B3GALT1: variants seen among roughly 807,000 people sequenced by gnomAD.
The protein encoded by B3GALT1 is UDP-Gal:betaGlcNAc beta 1,3-galactosyltransferase, polypeptide 1.
A neutral mutation model predicts 23.2 loss-of-function variants in B3GALT1; 10 were observed. That is an observed-to-expected ratio of 0.43 (90% CI 0.27 to 0.73). The LOEUF is 0.73. Ranked by LOEUF, B3GALT1 falls within the 30% of genes least tolerant of loss-of-function variation. The pLI is 0.21. For synonymous variants in B3GALT1, 156 were observed against 141.5 expected (o/e 1.10, Z -0.73); for missense variants, 299 against 405.4 (o/e 0.74, Z 2.25).
At position 167,305,241 on chromosome 2, in the gene B3GALT1, A is replaced by AAT. The variant is rs199861582; in HGVS notation, c.-511+11920_-511+11921dup. On this transcript the variant is annotated intron_variant, in intron 1 of 4. Coordinates refer to ENST00000392690, the MANE Select transcript of B3GALT1 (RefSeq NM_020981.4). ...TCTCACCAATTTTTAGACAGTTGTT[A>AAT]ATATATATATATATTTTGCTTCCTG... Among the ~76,000 whole-genome samples, 607 of 151,536 alleles carry AAT rather than the reference A, an allele frequency of 4.0e-3. 3 individuals carry two copies. The highest frequency in any genetic ancestry group is 0.013 in the African/African-American group (530 of 41,426).
At chr2:167,790,406 A>C (rs1574263788) in intron 3 of B3GALT1, among the ~76,000 whole-genome samples, 1 of 152,170 alleles carries the variant, frequency 6.6e-6, no homozygotes, top group East Asian at 1.9e-4. Flanking sequence ...TTCATCTGAG[A>C]TGTCTCCACC....
At chr2:167,360,832 G>A (rs1334350684) in intron 1 of B3GALT1, among the ~76,000 whole-genome samples, 1 of 151,534 alleles carries the variant, frequency 6.6e-6, no homozygotes, top group Non-Finnish European at 1.5e-5. Flanking sequence ...TTGTATTTTT[G>A]TACTCCTTAA....
intron 1 of B3GALT1, among the ~76,000 whole-genome samples, chr2:167,434,958 T>C (rs1042689326): frequency 2.6e-5 from 4 of 152,104 alleles, no homozygotes; most frequent in African/African-American, 7.2e-5. Flanking sequence ...GATTAAGTTT[T>C]AAAATTATAA....
chr2:167,660,186 G>A lies in B3GALT1; in HGVS notation c.-352+13220G>A, dbSNP rs1013923425. Among the ~76,000 whole-genome samples the A allele has an allele frequency of 8.5e-5, 13 of 152,094 alleles. 1 individual carries two copies. The highest frequency in any genetic ancestry group is 9.7e-5 in the African/African-American group (4 of 41,442). On this transcript the variant is annotated intron_variant, in intron 3 of 4. Transcript: ENST00000392690. ...GGATTTTATCACTTGAGCATTGAGAGCTGTATCTTTTCATAGCTCTTTCTA... is the reference window on the plus strand; with the variant it reads ...GGATTTTATCACTTGAGCATTGAGAACTGTATCTTTTCATAGCTCTTTCTA...
At chr2:167,856,990 TCTGATC>T (rs1032456180) in intron 4 of B3GALT1, among the ~76,000 whole-genome samples, 4 of 152,170 alleles carry the variant, frequency 2.6e-5, no homozygotes, top group Non-Finnish European at 2.9e-5. Flanking sequence ...TGACAGGATT[TCTGATC>T]CGTGAGGATT....
intron 2 of B3GALT1, among the ~76,000 whole-genome samples, chr2:167,551,628 G>T (rs1030142609): frequency 2.0e-5 from 3 of 152,166 alleles, no homozygotes; most frequent in Admixed American, 1.3e-4. Context: ...CTCGGGGGTT[G>T]TCTGTATCCT....
chr2:167,522,493 TG>T (rs962620757), intron 2 of B3GALT1, among the ~76,000 whole-genome samples: 2 of 152,166 alleles, frequency 1.3e-5, no homozygotes, highest in African/African-American at 4.8e-5. Context: ...AATTTTCTCT[TG>T]CCAATATCCG....
intron 1 of B3GALT1, among the ~76,000 whole-genome samples, chr2:167,399,081 T>TA (rs1210372270): frequency 1.3e-5 from 2 of 152,166 alleles, no homozygotes; most frequent in Non-Finnish European, 2.9e-5. Context: ...TTACAGCCAT[T>TA]ACAGGGCAGC....
intron 2 of B3GALT1, among the ~76,000 whole-genome samples, chr2:167,496,527 A>G (rs1296465609): frequency 6.6e-6 from 1 of 152,180 alleles, no homozygotes; most frequent in African/African-American, 2.4e-5. Context: ...ATTATAAGGA[A>G]GTTTTTAAAC....
chr2:167,337,045 A>AG, intron 1 of B3GALT1, among the ~76,000 whole-genome samples: 1 of 152,098 alleles, frequency 6.6e-6, no homozygotes, highest in African/African-American at 2.4e-5. Context: ...TCTTCCATGG[A>AG]GGGGGTCAGG....
intron 2 of B3GALT1, among the ~76,000 whole-genome samples, chr2:167,619,561 G>A (rs1685221514): frequency 1.3e-5 from 2 of 151,988 alleles, no homozygotes; most frequent in South Asian, 2.1e-4. Context: ...AGTACATTGT[G>A]CAGAAAGAAA....
intron 4 of B3GALT1, among the ~76,000 whole-genome samples, chr2:167,820,165 C>A (rs1177633731): frequency 6.6e-6 from 1 of 152,184 alleles, no homozygotes; most frequent in Admixed American, 6.5e-5. Flanking sequence ...ATAAATAATA[C>A]TTCCTCTTAG....
chr2:167,697,948 T>G (rs11692226), intron 3 of B3GALT1, among the ~76,000 whole-genome samples: 85,249 of 152,098 alleles, frequency 0.56, 25,152 homozygotes, highest in Non-Finnish European at 0.67. Context: ...CAATTTCAGT[T>G]GTGTCTTATC....
At chr2:167,497,908 C>T (rs1330920124) in intron 2 of B3GALT1, among the ~76,000 whole-genome samples, 2 of 151,614 alleles carry the variant, frequency 1.3e-5, no homozygotes, top group Non-Finnish European at 2.9e-5. Context: ...TAGTAGTATA[C>T]TAACCAAGGA....
At chr2:167,790,592 T>C (rs893868424) in intron 3 of B3GALT1, among the ~76,000 whole-genome samples, 1 of 152,234 alleles carries the variant, frequency 6.6e-6, no homozygotes, top group Non-Finnish European at 1.5e-5. Context: ...AGTAAAGCAT[T>C]TCTCTGAAAG....
chr2:167,868,722 G>A (rs1690282451), intron 4 of B3GALT1, among the ~76,000 whole-genome samples, 89 bp from the exon 5 acceptor site: 1 of 152,034 alleles, frequency 6.6e-6, no homozygotes, highest in South Asian at 2.1e-4. Context: ...AATCCTTGAG[G>A]GCAATTCTTA....
At chr2:167,727,740 CA>C (rs1231385961) in intron 3 of B3GALT1, among the ~76,000 whole-genome samples, 1 of 152,078 alleles carries the variant, frequency 6.6e-6, no homozygotes, top group African/African-American at 2.4e-5. Context: ...GGCTCTTTAT[CA>C]AGACATCTTT....
intron 3 of B3GALT1, among the ~76,000 whole-genome samples, chr2:167,811,495 GA>G (rs1243946136): frequency 1.3e-5 from 2 of 152,190 alleles, no homozygotes; most frequent in African/African-American, 2.4e-5. Flanking sequence ...CCTATGGTGA[GA>G]AAAGAACTTT....
intron 2 of B3GALT1, among the ~76,000 whole-genome samples, chr2:167,555,871 T>G (rs984748538): frequency 6.6e-6 from 1 of 152,146 alleles, no homozygotes; most frequent in Non-Finnish European, 1.5e-5. Flanking sequence ...ATCATCTGAG[T>G]CTGAATGGAT....
Sources: allele counts gnomAD v4.1 joint callset (sites outside exome capture counted in the v4.1 genomes callset), GRCh38; gene constraint gnomAD v4.1.1; transcripts MANE v1.5; gene names NCBI Gene and HGNC (gene_info 2026-07-23, HGNC 2026-07-21).